BACH1: variants seen among roughly 807,000 people sequenced by gnomAD.
The protein encoded by BACH1 is transcription regulator protein BACH1.
Under a neutral mutation model 52.9 loss-of-function variants are expected in BACH1, and 35 were observed. The ratio of observed to expected loss-of-function variants is 0.66; its 90% CI spans 0.51 to 0.88. The LOEUF is 0.88. Ranked by LOEUF, BACH1 falls within the 40% of genes least tolerant of loss-of-function variation. BACH1 has a pLI of 0.00. For synonymous variants in BACH1, 321 were observed against 319.6 expected (o/e 1.00, Z -0.05); for missense variants, 808 against 872.6 (o/e 0.93, Z 0.93).
chr21:29,307,026 A>G (rs1280883269), intron 1 of BACH1, among the ~76,000 whole-genome samples: 2 of 152,190 alleles, frequency 1.3e-5, no homozygotes, highest in Admixed American at 1.3e-4. Context: ...TGTGTATACT[A>G]AGAGGACTAC....
chr21:29,337,701 G>A (rs1245404524), intron 4 of BACH1, among the ~76,000 whole-genome samples: 1 of 152,124 alleles, frequency 6.6e-6, no homozygotes, highest in South Asian at 2.1e-4. Context: ...GCCTGTCGTC[G>A]GGTGGGGGAG....
chr21:29,306,576 T>G (rs2088660506), intron 1 of BACH1, among the ~76,000 whole-genome samples: 1 of 152,122 alleles, frequency 6.6e-6, no homozygotes, highest in African/African-American at 2.4e-5. Context: ...GGGGTCTACT[T>G]CCTTGGAAGT....
downstream of BACH1, among the ~76,000 whole-genome samples, chr21:29,348,726 C>T (rs558518895): frequency 5.9e-5 from 9 of 152,238 alleles, no homozygotes; most frequent in East Asian, 1.7e-3. Flanking sequence ...TGTATACAGG[C>T]GTTTTCAGGC....
In BACH1 at chr21:29,359,888, T is replaced by G. The variant is rs572101619; in HGVS notation, c.472+30195T>G. On this transcript the variant is annotated intron_variant, in intron 2 of 4. Transcript: ENST00000422809. ...CAGACAGAACTCTTGATCATTGCTC[T>G]GCTCACCTGTGACAAATGCATTTCT... Among the ~76,000 whole-genome samples the G allele has an allele frequency of 1.6e-3, 251 of 152,292 alleles. 1 individual carries two copies. The highest frequency in any genetic ancestry group is 5.5e-3 in the African/African-American group (227 of 41,556).
chr21:29,331,468 AG>A (rs1282740121), intron 4 of BACH1, among the ~76,000 whole-genome samples: 1 of 152,254 alleles, frequency 6.6e-6, no homozygotes, highest in Admixed American at 6.5e-5. Flanking sequence ...ATTATCCTTT[AG>A]AACTACTCTA....
At chr21:29,314,475 G>T (rs1332321964) in intron 1 of BACH1, among the ~76,000 whole-genome samples, 1 of 152,086 alleles carries the variant, frequency 6.6e-6, no homozygotes, top group Non-Finnish European at 1.5e-5. Context: ...ATAACAAAAG[G>T]TCCATGACTT....
downstream of BACH1, among the ~76,000 whole-genome samples, chr21:29,348,109 A>G (rs1023521775): frequency 6.6e-6 from 1 of 152,206 alleles, no homozygotes; most frequent in Non-Finnish European, 1.5e-5. Flanking sequence ...TAAGAAAAAT[A>G]AATCCCAAGA....
chr21:29,300,133 G>C (rs1292053251), intron 1 of BACH1: 1 of 152,224 alleles, frequency 6.6e-6, no homozygotes, highest in Non-Finnish European at 1.5e-5. Flanking sequence ...TGCCACTTCT[G>C]CCTTTGGACA....
At chr21:29,340,129 G>A (rs1395023424) in intron 4 of BACH1, among the ~76,000 whole-genome samples, 1 of 152,242 alleles carries the variant, frequency 6.6e-6, no homozygotes, top group Non-Finnish European at 1.5e-5. Context: ...ATGACTGTAA[G>A]TAGTGACTTT....
At chr21:29,304,769 T>C (rs763875664) in intron 1 of BACH1, among the ~76,000 whole-genome samples, 5 of 152,176 alleles carry the variant, frequency 3.3e-5, no homozygotes, top group Non-Finnish European at 5.9e-5. Context: ...ATTGAAGAAA[T>C]AGGGCGACCT....
At chr21:29,303,792 A>G (rs1346368873) in intron 1 of BACH1, among the ~76,000 whole-genome samples, 1 of 152,096 alleles carries the variant, frequency 6.6e-6, no homozygotes, top group African/African-American at 2.4e-5. Flanking sequence ...TCTTTGTTTT[A>G]TTTAGGATCA....
At chr21:29,306,944 A>G (rs1344293539) in intron 1 of BACH1, among the ~76,000 whole-genome samples, 1 of 152,224 alleles carries the variant, frequency 6.6e-6, no homozygotes, top group Non-Finnish European at 1.5e-5. Context: ...AACATTTCAA[A>G]AGTTCCCTGC....
chr21:29,329,339 G>A, intron 3 of BACH1, 148 bp from the exon 4 acceptor site: 60 of 504,830 alleles, frequency 1.2e-4, no homozygotes, highest in South Asian at 8.8e-4. Flanking sequence ...ATCCTTTTGA[G>A]ATTGTATAGA....
chr21:29,341,126 C>T (rs769539826), intron 4 of BACH1, among the ~76,000 whole-genome samples: 3 of 152,128 alleles, frequency 2.0e-5, no homozygotes, highest in Non-Finnish European at 4.4e-5. Context: ...TGGATTCATA[C>T]ATAATTTTAT....
At chr21:29,347,590 C>T (rs2089177017), downstream of BACH1, among the ~76,000 whole-genome samples, 4 of 152,312 alleles carry the variant, frequency 2.6e-5, no homozygotes, top group African/African-American at 9.6e-5. Flanking sequence ...AGGGCTGTGA[C>T]TGATGGCCTG....
At chr21:29,354,248 G>A (rs1601376869) in intron 2 of BACH1, among the ~76,000 whole-genome samples, 1 of 152,334 alleles carries the variant, frequency 6.6e-6, no homozygotes, top group East Asian at 1.9e-4. Flanking sequence ...GGTTGGAGGA[G>A]TGACATGTGG....
intron 4 of BACH1, among the ~76,000 whole-genome samples, chr21:29,330,855 G>A (rs1286200927): frequency 6.6e-6 from 1 of 151,084 alleles, no homozygotes; most frequent in Non-Finnish European, 1.5e-5. Flanking sequence ...TATACTTTGT[G>A]TAAAAAGATA....
rs151080561 is a variant in BACH1, at chr21:29,354,164, T to G, written c.472+24471T>G. Among the ~76,000 whole-genome samples, 422 of 152,210 alleles carry G rather than the reference T, an allele frequency of 2.8e-3. 2 individuals carry two copies. The highest frequency in any genetic ancestry group is 5.0e-3 in the Non-Finnish European group (338 of 67,998). ...GGGATGAGAGAGGGCCTCTCATGGT[T>G]TATTTGTAGAGCTGAAAGATGTTTG... On this transcript the variant is annotated intron_variant, in intron 2 of 4. Transcript: ENST00000422809.
intron 2 of BACH1, chr21:29,359,322 A>T (rs1056137293): frequency 4.0e-5 from 6 of 151,178 alleles, no homozygotes; most frequent in African/African-American, 1.5e-4. Flanking sequence ...CAAAATGTTT[A>T]TGGTAAACAT....
Sources: gnomAD v4.1 joint callset for allele counts (sites outside exome capture counted in the v4.1 genomes callset) on GRCh38, gnomAD v4.1.1 for gene constraint, MANE v1.5 for transcripts, NCBI Gene and HGNC (gene_info 2026-07-23, HGNC 2026-07-21) for gene names.